Variants in LMBR1 observed in about 807,000 individuals in gnomAD.
LMBR1 encodes the protein limb region 1 protein homolog.
A neutral mutation model predicts 73.9 loss-of-function variants in LMBR1; 52 were observed. The observed-to-expected ratio is 0.70, with a 90% CI of 0.56 to 0.89. The LOEUF (loss-of-function observed/expected upper bound fraction) is 0.89. Among genes scored for constraint, LMBR1 ranks in the 40% least tolerant of loss-of-function variants. The pLI, the probability that LMBR1 is intolerant of heterozygous loss-of-function variation, is 0.00. For missense variants in LMBR1, 539 were observed against 579.8 expected, an observed-to-expected ratio of 0.93 and a Z score of 0.72; for synonymous variants, 215 against 209.4, an observed-to-expected ratio of 1.03 and a Z score of -0.23.
chr7:156,798,701 T>C (rs1483792522), intron 4 of LMBR1, among the ~76,000 whole-genome samples: 1 of 152,182 alleles, frequency 6.6e-6, no homozygotes, highest in Non-Finnish European at 1.5e-5. Context: ...AATTACATTA[T>C]TATTATTCTT....
intron 15 of LMBR1, among the ~76,000 whole-genome samples, chr7:156,712,775 T>A (rs889490557): frequency 2.6e-5 from 4 of 152,210 alleles, no homozygotes; most frequent in Admixed American, 6.5e-5. Flanking sequence ...AAATGCTGTA[T>A]GTTCTCAATT....
rs1315177245 is a variant in LMBR1 at position 156,670,983 on chromosome 7, A to G, written n.867-1696T>C. Among the ~76,000 whole-genome samples, 1 of 152,228 alleles carries G rather than the reference A, an allele frequency of 6.6e-6. No homozygotes were observed. The highest frequency in any genetic ancestry group is 2.4e-5 in the African/African-American group (1 of 41,454). On this transcript the variant is annotated intron_variant and non_coding_transcript_variant, in intron 4 of 4. Coordinates refer to the LMBR1 transcript ENST00000430825. This position sits in a 1 kb window ranked among gnomAD's most constrained non-coding sequence, Gnocchi z 4.3. Reference sequence around the variant, plus strand: ...TAAAAGAGAGAGAGAGCTTATGACAAAAATAACATAAAGCAGGAGAGGAAA... The same window carrying G: ...TAAAAGAGAGAGAGAGCTTATGACAGAAATAACATAAAGCAGGAGAGGAAA...
chr7:156,706,458 A>G (rs767974265), intron 15 of LMBR1, among the ~76,000 whole-genome samples: 33 of 152,358 alleles, frequency 2.2e-4, no homozygotes, highest in Non-Finnish European at 4.1e-4. Context: ...TCTACTCATC[A>G]GCACATAAAA....
intron 15 of LMBR1, among the ~76,000 whole-genome samples, chr7:156,700,463 C>A (rs868522119): frequency 6.6e-5 from 10 of 152,136 alleles, no homozygotes; most frequent in Middle Eastern, 3.4e-3. Context: ...TTAATGGGTG[C>A]AGCACACCAA....
chr7:156,675,988 G>A (rs1291129350), downstream of LMBR1: 2 of 1,023,494 alleles, frequency 2.0e-6, no homozygotes, highest in Non-Finnish European at 2.9e-6. Flanking sequence ...GGCCCGGGGT[G>A]CAGCCGTGGA....
intron 4 of LMBR1, among the ~76,000 whole-genome samples, chr7:156,820,680 C>A (rs1404019423): frequency 1.3e-5 from 2 of 152,192 alleles, no homozygotes; most frequent in South Asian, 4.1e-4. Context: ...AGAGGCATAA[C>A]ATCTAGCAGG....
At position 156,776,034 on chromosome 7, in the gene LMBR1, G is replaced by A. The variant is rs533083792; in HGVS notation, c.424-12239C>T. Among the ~76,000 whole-genome samples the A allele has an allele frequency of 1.4e-4, 21 of 149,290 alleles. 1 individual carries two copies. In the South Asian group the frequency reaches 4.0e-3, roughly 28 times the overall value. ...TATAGGGTTGTTATAAAGATCGAAT[G>A]AGTATTATATATATATGAGTTATAT... On this transcript the variant is annotated intron_variant, in intron 5 of 16. Transcript: ENST00000353442.
intron 15 of LMBR1, among the ~76,000 whole-genome samples, chr7:156,700,673 C>G (rs780651138): frequency 6.6e-6 from 1 of 152,158 alleles, no homozygotes; most frequent in African/African-American, 2.4e-5. Flanking sequence ...AGCCATTCAA[C>G]AAGTCTCTAG....
In LMBR1 at chr7:156,669,233, G is replaced by A. The variant is rs1801900435; in HGVS notation, n.921C>T. On this transcript the variant is annotated non_coding_transcript_exon_variant, in exon 5 of 5. Coordinates refer to the LMBR1 transcript ENST00000430825. This position sits in a 1 kb window ranked among gnomAD's most constrained non-coding sequence, Gnocchi z 4.2. Reference sequence around the variant, plus strand: ...AGCCGGCGTGCCTGTCTAGGTGCATGTGGAGGCCGCTCGGGTGGTTCGCGC... The same window carrying A: ...AGCCGGCGTGCCTGTCTAGGTGCATATGGAGGCCGCTCGGGTGGTTCGCGC... 6.6e-6 allele frequency: 1 copy of A among 152,284 alleles called. No individual in the cohort carries two copies. Among genetic ancestry groups the A allele is most frequent in the Non-Finnish European group, 1.5e-5 (1 of 68,090 alleles). 9.4% of individuals were successfully genotyped at this position (152,284 alleles called of 1,614,324 possible). A position where few individuals can be genotyped will look rare whatever the true frequency, so the allele number is the denominator to read the frequency against.
intron 4 of LMBR1, among the ~76,000 whole-genome samples, chr7:156,807,303 T>C (rs1165810494): frequency 6.6e-6 from 1 of 152,222 alleles, no homozygotes; most frequent in African/African-American, 2.4e-5. Context: ...AGAACTGCTA[T>C]TATTTCTTCC....
intron 1 of LMBR1, among the ~76,000 whole-genome samples, chr7:156,862,653 C>A (rs116672618): frequency 1.3e-3 from 196 of 152,274 alleles, no homozygotes; most frequent in African/African-American, 4.4e-3. Context: ...AAAGGACAAG[C>A]CACAGACTAG....
chr7:156,867,529 T>G (rs2134264754), intron 1 of LMBR1, among the ~76,000 whole-genome samples: 1 of 152,288 alleles, frequency 6.6e-6, no homozygotes, highest in South Asian at 2.1e-4. Context: ...ACCTGATGAA[T>G]AAACAATATG....
intron 15 of LMBR1, among the ~76,000 whole-genome samples, chr7:156,698,242 T>C (rs903697132): frequency 6.6e-6 from 1 of 152,190 alleles, no homozygotes; most frequent in Non-Finnish European, 1.5e-5. Context: ...GGGTACAGCC[T>C]CCCTCCCAGC....
At chr7:156,776,014 G>C (rs1165674349) in intron 5 of LMBR1, among the ~76,000 whole-genome samples, 1 of 149,830 alleles carries the variant, frequency 6.7e-6, no homozygotes, top group Non-Finnish European at 1.5e-5. Flanking sequence ...TACCTTATAG[G>C]GTTGTTATAA....
intron 15 of LMBR1, among the ~76,000 whole-genome samples, chr7:156,717,115 C>T (rs779687730): frequency 3.9e-5 from 6 of 152,046 alleles, no homozygotes; most frequent in Admixed American, 6.6e-5. Flanking sequence ...TGCACTCCAG[C>T]CTGGACAACA....
At chr7:156,736,460 G>A (rs1817887278) in intron 9 of LMBR1, 1 of 454,900 alleles carries the variant, frequency 2.2e-6, no homozygotes, top group Non-Finnish European at 4.4e-6. Flanking sequence ...TCAAGATGAA[G>A]CATGCACATA....
chr7:156,724,263 G>A (rs1815243423), intron 14 of LMBR1, 85 bp from the exon 15 acceptor site: 2 of 996,578 alleles, frequency 2.0e-6, no homozygotes, highest in Admixed American at 2.0e-5. Context: ...AAATGATTGT[G>A]CATTCTAGTT....
chr7:156,699,333 G>C (rs1475164005), intron 15 of LMBR1, among the ~76,000 whole-genome samples: 8 of 151,970 alleles, frequency 5.3e-5, no homozygotes, highest in African/African-American at 1.7e-4. Context: ...AAATGGTGCT[G>C]GGAAAACTGG....
chr7:156,720,714 CTATAA>C (rs1226242414), intron 15 of LMBR1, among the ~76,000 whole-genome samples: 6 of 151,118 alleles, frequency 4.0e-5, no homozygotes, highest in Admixed American at 3.3e-4. Context: ...TTATTATTTT[CTATAA>C]TATATCTGAA....
Sources: allele counts gnomAD v4.1 joint callset (sites outside exome capture counted in the v4.1 genomes callset), GRCh38; gene constraint gnomAD v4.1.1; non-coding constraint Gnocchi (gnomAD v3.1); transcripts MANE v1.5; gene names NCBI Gene and HGNC (gene_info 2026-07-23, HGNC 2026-07-21).